HSF2: variants seen among roughly 807,000 people sequenced by gnomAD.
The protein encoded by HSF2 is heat shock factor protein 2.
A neutral mutation model predicts 65.0 loss-of-function variants in HSF2; 21 were observed. That is an observed-to-expected ratio of 0.32 (90% CI 0.23 to 0.47). The LOEUF is 0.47. Among genes scored for constraint, HSF2 ranks in the 20% least tolerant of loss-of-function variants. HSF2 has a pLI of 1.00. For missense variants in HSF2, 499 were observed against 628.1 expected (o/e 0.79, Z 2.20); for synonymous variants, 225 against 219.1 (o/e 1.03, Z -0.24).
chr6:122,408,001 CTCTTA>C (rs1429826042), intron 1 of HSF2, among the ~76,000 whole-genome samples: 12 of 151,872 alleles, frequency 7.9e-5, no homozygotes, highest in African/African-American at 2.9e-4. Flanking sequence ...GTTCTGGTCT[CTCTTA>C]TCTTATAAGG....
At chr6:122,430,595 A>G (rs1774440150) in intron 11 of HSF2, among the ~76,000 whole-genome samples, 1 of 152,040 alleles carries the variant, frequency 6.6e-6, no homozygotes, top group South Asian at 2.1e-4. Flanking sequence ...TTTCTCTTAA[A>G]TCCTAAAACT....
At chr6:122,431,894 TG>T in intron 12 of HSF2, 30 bp from the exon 13 acceptor site, 1 of 1,584,210 alleles carries the variant, frequency 6.3e-7, no homozygotes, top group South Asian at 1.2e-5. Context: ...TATAAGCTGG[TG>T]ATAAAAGAGT....
At chr6:122,404,520 C>T (rs916116049) in intron 1 of HSF2, among the ~76,000 whole-genome samples, 6 of 152,072 alleles carry the variant, frequency 3.9e-5, no homozygotes, top group Non-Finnish European at 7.4e-5. Context: ...ATTTCTGTTC[C>T]GAAAAATGTT....
intron 1 of HSF2, among the ~76,000 whole-genome samples, chr6:122,411,840 G>T (rs1774003091): frequency 6.6e-6 from 1 of 151,722 alleles, no homozygotes; most frequent in Non-Finnish European, 1.5e-5. Flanking sequence ...GTTTCCAGGT[G>T]TTTGTTTTTT....
chr6:122,405,503 A>G (rs1283214018), intron 1 of HSF2, among the ~76,000 whole-genome samples: 2 of 152,194 alleles, frequency 1.3e-5, no homozygotes, highest in Non-Finnish European at 2.9e-5. Flanking sequence ...TAGGGCTGAG[A>G]TAGAGTGCCC....
intron 1 of HSF2, among the ~76,000 whole-genome samples, chr6:122,407,167 G>A (rs1773885807): frequency 6.6e-6 from 1 of 152,230 alleles, no homozygotes. Flanking sequence ...TGAACCCACA[G>A]AAGTTAATGA....
rs1773783481 is a variant in HSF2 at position 122,403,265 on chromosome 6, T to C, written c.93+3435T>C. Among the ~76,000 whole-genome samples, 3 of 152,204 alleles carry C rather than the reference T, an allele frequency of 2.0e-5. No homozygotes were observed. In the South Asian group the frequency reaches 6.2e-4, roughly 31 times the overall value. Reference sequence around the variant, plus strand: ...ATTGAAATTATACTTAAATATGTTATTGACTCTAAAATAATAGAAATGCCT... The same window carrying C: ...ATTGAAATTATACTTAAATATGTTACTGACTCTAAAATAATAGAAATGCCT... On this transcript the variant is annotated intron_variant, in intron 1 of 12. Transcript: ENST00000368455.
chr6:122,401,721 G>C (rs1773738022), intron 1 of HSF2, among the ~76,000 whole-genome samples: 1 of 152,320 alleles, frequency 6.6e-6, no homozygotes, highest in South Asian at 2.1e-4. Flanking sequence ...CACTGTGCCA[G>C]AGACACACTA....
chr6:122,419,912 CAA>C lies in HSF2; in HGVS notation c.594-219_594-218del, dbSNP rs555438333. 1.6e-3 allele frequency among the ~76,000 whole-genome samples: 251 copies of C among 152,148 alleles called. 2 individuals carry two copies. Among genetic ancestry groups the C allele is most frequent in the African/African-American group, 5.6e-3 (232 of 41,522 alleles). ...AACTGGAGAGAATAGCTTATTATAA[CAA>C]AAAGAGTGTAGAAAAGTGGAGAACT... is the stretch of plus-strand genomic sequence containing the variant. On this transcript the variant is annotated intron_variant, in intron 6 of 12. Coordinates refer to ENST00000368455, the MANE Select transcript of HSF2 (RefSeq NM_004506.4).
At position 122,402,562 on chromosome 6, in the gene HSF2, GT is replaced by G. The variant is rs528958889; in HGVS notation, c.93+2744del. 4.3e-3 allele frequency among the ~76,000 whole-genome samples: 625 copies of G among 144,280 alleles called. 5 individuals are homozygous for G. The highest frequency in any genetic ancestry group is 0.014 in the African/African-American group (545 of 39,614). 94.7% of individuals were successfully genotyped at this position (144,280 alleles called of 152,430 possible). On this transcript the variant is annotated intron_variant, in intron 1 of 12. Coordinates refer to ENST00000368455, the MANE Select transcript of HSF2 (RefSeq NM_004506.4). Reference sequence around the variant, plus strand: ...GACTATATCACACTATATCATATTCGTTTTTTTTTTTTGTGGTAGAGTATCA... The same window carrying G: ...GACTATATCACACTATATCATATTCGTTTTTTTTTTTGTGGTAGAGTATCA...
At chr6:122,425,438 T>C (rs9320872) in intron 10 of HSF2, among the ~76,000 whole-genome samples, 120,994 of 151,922 alleles carry the variant, frequency 0.8, 48,419 homozygotes, top group South Asian at 0.92. Context: ...GCTCATGTTA[T>C]TTACTAGCTA....
chr6:122,402,412 A>G (rs1253633935), intron 1 of HSF2, among the ~76,000 whole-genome samples: 1 of 152,218 alleles, frequency 6.6e-6, no homozygotes, highest in Non-Finnish European at 1.5e-5. Context: ...TGGAAAAACC[A>G]AAATAAGTTA....
chr6:122,420,358 A>AT, intron 7 of HSF2, 136 bp downstream of exon 7: 1 of 577,718 alleles, frequency 1.7e-6, no homozygotes, highest in African/African-American at 2.0e-5. Context: ...AAATTGTGAC[A>AT]TTTTTTATTA....
At position 122,432,744 on chromosome 6, in the gene HSF2, CAA is replaced by C. The variant is rs1378369061; in HGVS notation, c.*526_*527del. 6.5e-6 allele frequency: 1 copy of C among 153,012 alleles called. No individual in the cohort carries two copies. Among genetic ancestry groups the C allele is most frequent in the African/African-American group, 2.4e-5 (1 of 41,414 alleles). The allele number at this position is 153,012 out of a possible 1,614,324, so 9.5% of individuals were successfully genotyped here. Reference sequence around the variant, plus strand: ...TGGTTCAGAGAAGTTCATTTATGTTCAAAGACGTTTATTCATGTTCAACAGGA... The same window carrying C: ...TGGTTCAGAGAAGTTCATTTATGTTCAGACGTTTATTCATGTTCAACAGGA... On this transcript the variant is annotated 3_prime_UTR_variant, in exon 13 of 13. Transcript: ENST00000368455.
chr6:122,404,793 C>T (rs1038333854), intron 1 of HSF2, among the ~76,000 whole-genome samples: 8 of 152,096 alleles, frequency 5.3e-5, no homozygotes, highest in Non-Finnish European at 1.0e-4. Flanking sequence ...TGAATTTTTG[C>T]ACTCAAAGAA....
intron 10 of HSF2, 127 bp downstream of exon 10, chr6:122,423,813 A>G (rs565599966): frequency 1.8e-4 from 90 of 493,688 alleles, no homozygotes; most frequent in African/African-American, 1.5e-3. Context: ...TAAATTAATA[A>G]TTTTGTTTAT....
At chr6:122,431,547 GTTTT>G in intron 12 of HSF2, 33 bp downstream of exon 12, 1 of 1,260,462 alleles carries the variant, frequency 7.9e-7, no homozygotes, top group Non-Finnish European at 1.1e-6. Flanking sequence ...GTCTCTGTAG[GTTTT>G]TTTAATCCTA....
chr6:122,424,126 T>G (rs1343864440), intron 10 of HSF2, among the ~76,000 whole-genome samples: 1 of 152,060 alleles, frequency 6.6e-6, no homozygotes, highest in Non-Finnish European at 1.5e-5. Flanking sequence ...ATTTGCCTTA[T>G]TTTTTACATT....
intron 3 of HSF2, 39 bp downstream of exon 3, chr6:122,412,803 C>G (rs1339578609): frequency 6.3e-7 from 1 of 1,586,184 alleles, no homozygotes; most frequent in Non-Finnish European, 8.6e-7. Flanking sequence ...GGGTATTGAC[C>G]TGGAGTGTGC....
Sources: allele counts gnomAD v4.1 joint callset (sites outside exome capture counted in the v4.1 genomes callset), GRCh38; gene constraint gnomAD v4.1.1; transcripts MANE v1.5; gene names NCBI Gene and HGNC (gene_info 2026-07-23, HGNC 2026-07-21).